DRC3: variants seen among roughly 807,000 people sequenced by gnomAD.
DRC3 encodes the protein leucine rich repeat containing 48.
Under a neutral mutation model 57.6 loss-of-function variants are expected in DRC3, and 45 were observed. The observed-to-expected ratio is 0.78, with a 90% CI of 0.62 to 1.00. The LOEUF is 1.00. Among genes scored for constraint, DRC3 ranks in the 50% least tolerant of loss-of-function variants. The probability of loss-of-function intolerance (pLI) is 0.00; values close to 1 mark genes in which losing one functional copy is unlikely to be tolerated. For synonymous variants in DRC3, 257 were observed against 272.3 expected, an observed-to-expected ratio of 0.94 and a Z score of 0.55; for missense variants, 655 against 675.2, an observed-to-expected ratio of 0.97 and a Z score of 0.33.
Position 17,983,833 on chromosome 17 carries a change from C to T in DRC3, c.166C>T (p.Leu56Phe), listed in dbSNP as rs1597561646. 6.2e-7 allele frequency: 1 copy of T among 1,610,692 alleles called. No homozygotes were observed. Among genetic ancestry groups the T allele is most frequent in the Non-Finnish European group, 8.5e-7 (1 of 1,177,176 alleles). ...LSLQLDFRNI[L>F]RIDNLWQFEN... ...ATCACCTTCCATTATTTCAGACATC[C>T]TCCGCATAGACAACCTCTGGCAGTT... is the stretch of plus-strand genomic sequence containing the variant. Residue 56 changes from leucine (L) to phenylalanine (F), a missense_variant, in exon 4 of 14, where the codon CTC (leucine) becomes TTC (phenylalanine). Coordinates refer to ENST00000399187, the MANE Select transcript of DRC3 (RefSeq NM_031294.4).
At chr17:18,016,006 C>CT in intron 12 of DRC3, 58 bp from the exon 13 acceptor site, 1 of 1,589,824 alleles carries the variant, frequency 6.3e-7, no homozygotes, top group South Asian at 1.1e-5. Flanking sequence ...GTTCAGCTCC[C>CT]TTTGTGTTCA....
rs969301782 is a variant in DRC3, at chr17:18,008,737, A to G, written c.1326+1590A>G. Among the ~76,000 whole-genome samples the G allele has an allele frequency of 1.3e-5, 2 of 152,208 alleles. No individual in the cohort carries two copies. The highest frequency in any genetic ancestry group is 1.3e-4 in the Admixed American group (2 of 15,284). On this transcript the variant is annotated intron_variant, in intron 12 of 13. Transcript: ENST00000399187. The surrounding 1 kb of genome is among the most constrained non-coding windows in gnomAD (Gnocchi z 4.3). ...TGCTATTGACCAGACACAGGAAAAC[A>G]CCACCTTCCCTGTGAAGTAAGGCTG...
chr17:17,983,771 C>A, intron 3 of DRC3, 57 bp from the exon 4 acceptor site: 1 of 1,288,156 alleles, frequency 7.8e-7, no homozygotes. Flanking sequence ...TCCTCCTGTA[C>A]ACTAGCACAA....
intron 9 of DRC3, among the ~76,000 whole-genome samples, chr17:18,002,082 C>G (rs943300177): frequency 2.0e-5 from 3 of 151,996 alleles, no homozygotes; most frequent in African/African-American, 2.4e-5. Flanking sequence ...GCGAGAGAAT[C>G]GCTGGAAACT....
chr17:18,002,771 A>C (rs2043791126), intron 9 of DRC3, among the ~76,000 whole-genome samples: 1 of 152,192 alleles, frequency 6.6e-6, no homozygotes, highest in Non-Finnish European at 1.5e-5. Context: ...TCAGCGAATG[A>C]AAGTGGGTCT....
chr17:18,006,896 GGACGGTGCTGCCAGCCAGAATTT>G, intron 11 of DRC3, 105 bp from the exon 12 acceptor site: 1 of 1,444,338 alleles, frequency 6.9e-7, no homozygotes, highest in Non-Finnish European at 9.3e-7. Flanking sequence ...GCTTGTGAGT[GGACGGTGCTGCCAGCCAGAATTT>G]CCGAGCTCGC....
intron 7 of DRC3, 40 bp downstream of exon 7, chr17:17,994,458 A>G (rs1002301642): frequency 6.5e-7 from 1 of 1,546,434 alleles, no homozygotes; most frequent in African/African-American, 1.4e-5. Flanking sequence ...GCCCCCTCAG[A>G]TGCCCACAAG....
chr17:17,988,378 G>T, intron 5 of DRC3: 1 of 424,698 alleles, frequency 2.4e-6, no homozygotes. Context: ...ATTTGCTGAG[G>T]TACATACCTG....
At position 17,992,750 on chromosome 17, in the gene DRC3, C is replaced by T; in HGVS notation, c.445-15C>T. 2 of 1,611,416 alleles carry T rather than the reference C, an allele frequency of 1.2e-6. No individual in the cohort carries two copies. Among genetic ancestry groups the T allele is most frequent in the Non-Finnish European group, 1.7e-6 (2 of 1,178,512 alleles). Reference sequence around the variant, plus strand: ...GCAGCCAAGAAAATGGGCCTTTCTCCCTTTTTCTCCCCAGATCATCTACCT... The same window carrying T: ...GCAGCCAAGAAAATGGGCCTTTCTCTCTTTTTCTCCCCAGATCATCTACCT... On this transcript the variant is annotated splice_polypyrimidine_tract_variant and intron_variant, in intron 5 of 13. Transcript: ENST00000399187.
rs2042832610 is a variant in DRC3, at chr17:17,983,908, G to A, written c.241G>A (p.Glu81Lys). The change falls in exon 4 of 14, where the codon GAG (glutamate) becomes AAG (lysine). Residue 81 changes from glutamate (E) to lysine (K), a missense_variant. Physicochemically the swap from Glu to Lys is moderately conservative, Grantham distance 56. Transcript: ENST00000399187. ...GGACAATAACATCATTGAGAAGATCGAGGGCCTGGAGAACCTCGCACACCT... is the reference window on the plus strand; with the variant it reads ...GGACAATAACATCATTGAGAAGATCAAGGGCCTGGAGAACCTCGCACACCT... ...QLDNNIIEKI[E>K]GLENLAHLVW... The A allele has an allele frequency of 1.2e-6, 2 of 1,613,382 alleles. No individual in the cohort carries two copies. The highest frequency in any genetic ancestry group is 1.7e-6 in the Non-Finnish European group (2 of 1,179,518).
At chr17:17,996,644 A>G (rs1287981454) in intron 8 of DRC3, among the ~76,000 whole-genome samples, 3 of 152,078 alleles carry the variant, frequency 2.0e-5, no homozygotes, top group African/African-American at 7.2e-5. Flanking sequence ...AAAAAACCAA[A>G]CACACCTGAC....
At chr17:18,002,159 C>A (rs1287681406) in intron 9 of DRC3, among the ~76,000 whole-genome samples, 1 of 151,524 alleles carries the variant, frequency 6.6e-6, no homozygotes, top group Non-Finnish European at 1.5e-5. Flanking sequence ...CAGTGTGAGA[C>A]TCTGTCTCAA....
At chr17:17,982,399 G>C (rs371945559) in intron 3 of DRC3, among the ~76,000 whole-genome samples, 190 of 146,014 alleles carry the variant, frequency 1.3e-3, no homozygotes, top group African/African-American at 4.5e-3. Flanking sequence ...GTGTTTTTAG[G>C]AGAGACAGGG....
At chr17:18,013,031 C>G (rs1180023568) in intron 12 of DRC3, among the ~76,000 whole-genome samples, 2 of 151,922 alleles carry the variant, frequency 1.3e-5, no homozygotes, top group Non-Finnish European at 2.9e-5. Flanking sequence ...ATACAAATGG[C>G]CAACAAATAC....
At chr17:17,987,214 CAAAA>C (rs1046062123) in intron 4 of DRC3, among the ~76,000 whole-genome samples, 5 of 45,198 alleles carry the variant, frequency 1.1e-4, no homozygotes, top group African/African-American at 1.9e-4. Flanking sequence ...GACCCTGTCT[CAAAA>C]AAAAAAAAAA....
intron 2 of DRC3, chr17:17,977,327 C>T (rs2042433358): frequency 2.2e-6 from 1 of 462,344 alleles, no homozygotes; most frequent in Admixed American, 3.6e-5. Context: ...CCAGTGGGTC[C>T]AGCGAGGGTC....
chr17:17,998,676 G>T (rs148986777), intron 9 of DRC3, among the ~76,000 whole-genome samples: 1 of 151,980 alleles, frequency 6.6e-6, no homozygotes, highest in Non-Finnish European at 1.5e-5. Flanking sequence ...TGTGCTTCCC[G>T]CCTCCCCAAC....
At chr17:17,989,903 C>T (rs527896653) in intron 5 of DRC3, among the ~76,000 whole-genome samples, 2 of 152,234 alleles carry the variant, frequency 1.3e-5, no homozygotes, top group Admixed American at 1.3e-4. Context: ...CAGCTGAAGC[C>T]GGAGGTAAGC....
chr17:18,014,449 T>A (rs1237044876), intron 12 of DRC3, among the ~76,000 whole-genome samples: 1 of 152,224 alleles, frequency 6.6e-6, no homozygotes, highest in Non-Finnish European at 1.5e-5. Flanking sequence ...TAGCCACCAC[T>A]CTAGGCCACC....
Sources: allele counts gnomAD v4.1 joint callset (sites outside exome capture counted in the v4.1 genomes callset), GRCh38; gene constraint gnomAD v4.1.1; non-coding constraint Gnocchi (gnomAD v3.1); transcripts MANE v1.5; gene names NCBI Gene and HGNC (gene_info 2026-07-23, HGNC 2026-07-21).